Variants in SLC16A9 observed in about 807,000 individuals in gnomAD.
SLC16A9 encodes solute carrier family 16 member 9.
SLC16A9 carries 26 observed loss-of-function variants against 44.3 expected under a neutral mutation model. The ratio of observed to expected loss-of-function variants is 0.59; its 90% CI spans 0.43 to 0.81. SLC16A9 has a LOEUF of 0.81. Ranked by LOEUF, SLC16A9 falls within the 40% of genes least tolerant of loss-of-function variation. The probability of loss-of-function intolerance (pLI) is 0.00; values close to 1 mark genes in which losing one functional copy is unlikely to be tolerated. For missense variants in SLC16A9, 559 were observed against 595.8 expected, an observed-to-expected ratio of 0.94 and a Z score of 0.64; for synonymous variants, 230 against 225.1, an observed-to-expected ratio of 1.02 and a Z score of -0.19.
At chr10:59,697,145 C>G (rs1839253510) in intron 1 of SLC16A9, among the ~76,000 whole-genome samples, 1 of 131,046 alleles carries the variant, frequency 7.6e-6, no homozygotes, top group African/African-American at 2.7e-5. Flanking sequence ...GCCACCCCGT[C>G]CGGGAGGTGA....
At chr10:59,669,864 TG>T (rs1369304439) in intron 3 of SLC16A9, among the ~76,000 whole-genome samples, 1 of 152,114 alleles carries the variant, frequency 6.6e-6, no homozygotes, top group Non-Finnish European at 1.5e-5. Context: ...TATACTGATA[TG>T]GTATCAAGTT....
chr10:59,657,779 C>T (rs146580485), intron 4 of SLC16A9, among the ~76,000 whole-genome samples: 21 of 152,234 alleles, frequency 1.4e-4, no homozygotes, highest in South Asian at 6.2e-4. Context: ...TTCATATGTC[C>T]AATAACCCAA....
intron 1 of SLC16A9, among the ~76,000 whole-genome samples, chr10:59,708,974 C>T (rs1039051200): frequency 9.2e-5 from 14 of 152,216 alleles, no homozygotes; most frequent in African/African-American, 3.4e-4. Context: ...GCGCTGCGCT[C>T]CACGTAGGTC....
intron 1 of SLC16A9, among the ~76,000 whole-genome samples, chr10:59,704,515 G>C (rs940800194): frequency 2.0e-5 from 3 of 152,158 alleles, no homozygotes; most frequent in African/African-American, 7.2e-5. Context: ...AAACTCAAAA[G>C]TGAAAATAGC....
chr10:59,681,464 GTATGTATATGTA>G (rs1186125956), intron 2 of SLC16A9, among the ~76,000 whole-genome samples: 241 of 3,398 alleles, frequency 0.071, 94 homozygotes, highest in African/African-American at 0.087. Context: ...ATGTGTATGT[GTATGTATATGTA>G]TATGTATATG....
intron 4 of SLC16A9, among the ~76,000 whole-genome samples, chr10:59,655,247 A>G (rs1315991696): frequency 1.3e-5 from 2 of 152,142 alleles, no homozygotes; most frequent in Non-Finnish European, 2.9e-5. Context: ...CCAAGATTGC[A>G]CCACTGCACT....
chr10:59,658,126 T>A (rs946495311), intron 4 of SLC16A9, among the ~76,000 whole-genome samples: 2 of 152,222 alleles, frequency 1.3e-5, no homozygotes, highest in Non-Finnish European at 2.9e-5. Flanking sequence ...CATTCCCTTG[T>A]ATTGATTCTA....
At chr10:59,666,298 CAAAAAAAAA>C (rs35476359) in intron 3 of SLC16A9, among the ~76,000 whole-genome samples, 7 of 102,022 alleles carry the variant, frequency 6.9e-5, no homozygotes, top group Non-Finnish European at 1.4e-4. Flanking sequence ...GACTCTGTCT[CAAAAAAAAA>C]AAAAAAAGAA....
chr10:59,695,779 T>C (rs903294509), intron 1 of SLC16A9, among the ~76,000 whole-genome samples: 2 of 152,140 alleles, frequency 1.3e-5, no homozygotes, highest in East Asian at 3.9e-4. Context: ...ATCTGAACAA[T>C]GAGAAAAAAA....
At position 59,696,292 on chromosome 10, in the gene SLC16A9, G is replaced by A. The variant is rs187174930; in HGVS notation, c.-36-11965C>T. 1.1e-3 allele frequency among the ~76,000 whole-genome samples: 160 copies of A among 152,322 alleles called. 7 individuals are homozygous for A. The highest frequency in any genetic ancestry group is 3.4e-3 in the Middle Eastern group (1 of 294). The stretch of plus-strand genomic sequence containing the variant: ...CTGGTTTTCGTATTTTTTTGGTGGA[G>A]AGGGGGTTTCGCTGTGTTGGCTGGG... On this transcript the variant is annotated intron_variant, in intron 1 of 5. Transcript: ENST00000395348.
intron 2 of SLC16A9, among the ~76,000 whole-genome samples, chr10:59,674,917 T>A (rs1482119455): frequency 1.3e-5 from 2 of 152,228 alleles, no homozygotes; most frequent in Admixed American, 6.5e-5. Flanking sequence ...CACTGCTGTA[T>A]GAAATATACA....
At position 59,654,372 on chromosome 10, in the gene SLC16A9, T is replaced by A. The variant is rs145850404; in HGVS notation, c.654A>T (p.Gly218=). 6.2e-7 allele frequency: 1 copy of A among 1,613,880 alleles called. No homozygotes were observed. Among genetic ancestry groups the A allele is most frequent in the Non-Finnish European group, 8.5e-7 (1 of 1,180,028 alleles). Residue 218 remains glycine, a synonymous_variant, in exon 5 of 6, where the codon GGA becomes GGT. Coordinates refer to ENST00000395348, the MANE Select transcript of SLC16A9 (RefSeq NM_194298.3). ...PDKYSIYNEK[G]KNLEENINIL... is the part of the protein sequence containing the mutation. ...TGTTTATGTTTTCTTCCAGATTCTT[T>A]CCTTTTTCATTGTAAATGGAGTATT... is the stretch of plus-strand genomic sequence containing the variant.
chr10:59,664,993 G>T (rs1299155161), intron 3 of SLC16A9, among the ~76,000 whole-genome samples: 1 of 151,772 alleles, frequency 6.6e-6, no homozygotes, highest in Non-Finnish European at 1.5e-5. Flanking sequence ...TGAGCATATG[G>T]TTGTTTGCTA....
At position 59,681,719 on chromosome 10, in the gene SLC16A9, TG is replaced by T. The variant is rs1229177971; in HGVS notation, c.196+2376del. Among the ~76,000 whole-genome samples, 7 of 7,890 alleles carry T rather than the reference TG, an allele frequency of 8.9e-4. 3 individuals are homozygous for T. The highest frequency in any genetic ancestry group is 1.4e-3 in the African/African-American group (7 of 4,940). The allele number at this position is 7,890 out of a possible 152,430, so 5.2% of individuals were successfully genotyped here. A position where few individuals can be genotyped will look rare whatever the true frequency, so the allele number is the denominator to read the frequency against. On this transcript the variant is annotated intron_variant, in intron 2 of 5. Transcript: ENST00000395348. ...ATATATATGTATATGTATATGTATATGATGTATATGTATATGTATATGATGT... is the reference window on the plus strand; with the variant it reads ...ATATATATGTATATGTATATGTATATATGTATATGTATATGTATATGATGT...
intron 1 of SLC16A9, among the ~76,000 whole-genome samples, chr10:59,695,972 C>T (rs1261781722): frequency 6.6e-6 from 1 of 152,154 alleles, no homozygotes; most frequent in African/African-American, 2.4e-5. Context: ...GAAGAAGGCA[C>T]ATTTCTCTAG....
At position 59,684,132 on chromosome 10, in the gene SLC16A9, C is replaced by T. The variant is rs150304894; in HGVS notation, c.160G>A (p.Val54Ile). Residue 54 changes from valine to isoleucine, a missense_variant, in exon 2 of 6, where the codon GTT (valine) becomes ATT (isoleucine). Transcript: ENST00000395348. ...FGEGKGKTAW[V>I]GSLASGVGLL... ...CCAACTCCACTTGCCAGGGATCCAA[C>T]CCAGGCTGTTTTTCCTTTTCCTTCA... The T allele has an allele frequency of 4.2e-3, 6,847 of 1,613,890 alleles. 33 individuals carry two copies. Among genetic ancestry groups the T allele is most frequent in the Middle Eastern group, 9.9e-3 (60 of 6,060 alleles).
intron 2 of SLC16A9, among the ~76,000 whole-genome samples, chr10:59,679,222 CA>C (rs1839934512): frequency 6.6e-6 from 1 of 152,028 alleles, no homozygotes; most frequent in Non-Finnish European, 1.5e-5. Context: ...ATTTGGAGAA[CA>C]ATATCTAGCC....
At chr10:59,654,975 G>T (rs1272257434) in intron 4 of SLC16A9, among the ~76,000 whole-genome samples, 1 of 152,150 alleles carries the variant, frequency 6.6e-6, no homozygotes, top group Non-Finnish European at 1.5e-5. Flanking sequence ...CAGTCAGTTT[G>T]AACCCAATAG....
intron 1 of SLC16A9, among the ~76,000 whole-genome samples, chr10:59,708,405 C>T: frequency 6.6e-6 from 1 of 152,180 alleles, no homozygotes. Flanking sequence ...TTTCTCGAAG[C>T]TGAAGCCAAC....
Sources: allele counts gnomAD v4.1 joint callset (sites outside exome capture counted in the v4.1 genomes callset), GRCh38; gene constraint gnomAD v4.1.1; transcripts MANE v1.5; gene names NCBI Gene and HGNC (gene_info 2026-07-23, HGNC 2026-07-21).